The following NOA1 variants were observed in gnomAD, a reference collection of about 807,000 sequenced individuals.
NOA1 encodes nitric oxide associated 1.
NOA1 carries 35 observed loss-of-function variants against 58.4 expected under a neutral mutation model. That is an observed-to-expected ratio of 0.60 (90% confidence interval 0.46 to 0.79). NOA1 has a LOEUF of 0.79. Ranked by LOEUF, NOA1 falls within the 30% of genes least tolerant of loss-of-function variation. The pLI is 0.00. For synonymous variants in NOA1, 397 were observed against 373.4 expected (o/e 1.06, Z -0.73); for missense variants, 895 against 894.6 (o/e 1.00, Z -0.01).
rs1560466421 is a variant in NOA1 at position 56,977,125 on chromosome 4, C to CGGCGTCCCGGCAGTGCAGCTCTG, written c.460_461insCAGAGCTGCACTGCCGGGACGCC (p.Gly154AlafsTer51). On this transcript the variant is annotated frameshift_variant, in exon 1 of 7. Transcript: ENST00000264230. LOFTEE classifies it high-confidence loss of function. ...CTCTCGGGGCAGGTAGCCGGGCACT[C>CGGCGTCCCGGCAGTGCAGCTCTG]CGGCGTCCTGGCAGTGCAGCTCTGC... The CGGCGTCCCGGCAGTGCAGCTCTG allele has an allele frequency of 5.1e-6, 8 of 1,555,434 alleles. No individual in the cohort carries two copies. The African/African-American group carries it at 1.1e-4, about 21-fold the overall frequency.
At chr4:56,968,291 T>C in intron 4 of NOA1, 93 bp downstream of exon 4, 2 of 1,288,098 alleles carry the variant, frequency 1.6e-6, no homozygotes, top group Admixed American at 2.3e-5. Flanking sequence ...GGCTTAGTTA[T>C]CAACATTTTG....
intron 1 of NOA1, 57 bp from the exon 2 acceptor site, chr4:56,974,079 A>T: frequency 9.1e-7 from 1 of 1,095,570 alleles, no homozygotes; most frequent in Non-Finnish European, 1.2e-6. Context: ...GAAGAAAATG[A>T]ACATTTTTGA....
intron 3 of NOA1, among the ~76,000 whole-genome samples, chr4:56,970,727 G>T (rs1047506465): frequency 8.6e-5 from 13 of 152,026 alleles, no homozygotes; most frequent in Non-Finnish European, 1.9e-4. Context: ...CTCCCAAAGT[G>T]CTGGGACTAC....
At chr4:56,966,796 G>A (rs1003809479) in intron 4 of NOA1, 60 bp from the exon 5 acceptor site, 11 of 1,056,956 alleles carry the variant, frequency 1.0e-5, no homozygotes, top group Non-Finnish European at 1.6e-5. Context: ...GCATATTCAA[G>A]GTACAATCAA....
chr4:56,965,109 C>T (rs1560463227), intron 5 of NOA1, among the ~76,000 whole-genome samples: 1 of 151,916 alleles, frequency 6.6e-6, no homozygotes, highest in African/African-American at 2.4e-5. Flanking sequence ...AAGTGATTCT[C>T]TTGTCTCAGC....
At position 56,973,756 on chromosome 4, in the gene NOA1, TC is replaced by T. The variant is rs2109619910; in HGVS notation, c.1309+101del. The T allele has an allele frequency of 3.5e-6, 4 of 1,138,610 alleles. No individual in the cohort carries two copies. In the South Asian group the frequency reaches 4.4e-5, roughly 12 times the overall value. The allele number at this position is 1,138,610 out of a possible 1,614,324, so 70.5% of individuals were successfully genotyped here. On this transcript the variant is annotated intron_variant, in intron 2 of 6. Coordinates refer to ENST00000264230, the MANE Select transcript of NOA1 (RefSeq NM_032313.4). ...GTTGCAGAATAAGGAAGGCAGTCTC[TC>T]CCCACAAAAACTGGCTAGCCTCGGA...
At chr4:56,966,266 C>T (rs945398566) in intron 5 of NOA1, among the ~76,000 whole-genome samples, 2 of 152,046 alleles carry the variant, frequency 1.3e-5, no homozygotes, top group Admixed American at 6.5e-5. Context: ...ACCTTGTGAT[C>T]CATCTGCCTT....
chr4:56,971,618 G>A (rs531052607), intron 3 of NOA1, among the ~76,000 whole-genome samples: 93 of 152,164 alleles, frequency 6.1e-4, no homozygotes, highest in Non-Finnish European at 1.0e-3. Context: ...TTAGAAAATC[G>A]GAAACTGGTC....
chr4:56,964,449 C>T lies in NOA1; in HGVS notation c.1842G>A (p.Leu614=), dbSNP rs201550922. The stretch of plus-strand genomic sequence containing the variant: ...TGTCGGCCACTGCTTCAGATGCCCC[C>T]AGTCCTTCTTTTAACATAATGTCTT... ...VAEDIMLKEG[L]GASEAVADIK... The change falls in exon 6 of 7, where the codon CTG becomes CTA. Residue 614 remains leucine (L), a synonymous_variant. Coordinates refer to ENST00000264230, the MANE Select transcript of NOA1 (RefSeq NM_032313.4). 1.2e-5 allele frequency: 20 copies of T among 1,614,130 alleles called. No homozygotes were observed. In the East Asian group the frequency reaches 4.5e-4, roughly 36 times the overall value.
chr4:56,973,954 G>C lies in NOA1; in HGVS notation c.1213C>G (p.Gln405Glu). Residue 405 changes from glutamine (Q) to glutamate (E), a missense_variant, in exon 2 of 7, where the codon CAA becomes GAA. Gln to Glu is a conservative substitution (Grantham distance 29). This residue lies in a region of NOA1 where 680 missense variants were observed against 656.5 expected (regional missense o/e 1.04). Coordinates refer to ENST00000264230, the MANE Select transcript of NOA1 (RefSeq NM_032313.4). ...TGAGTTGAATCTTTTTTAAGTCTTT[G>C]ATGCCTTTTAAACATTCTGTAAGGA... ...PTPYRMFKRH[Q>E]RLKKDSTQAE... 1 of 1,613,912 alleles carries C rather than the reference G, an allele frequency of 6.2e-7. No individual in the cohort carries two copies. Among genetic ancestry groups the C allele is most frequent in the Non-Finnish European group, 8.5e-7 (1 of 1,179,856 alleles).
In NOA1 at chr4:56,977,422, T is replaced by A. The variant is rs368384513; in HGVS notation, c.164A>T (p.Asp55Val). 4 of 1,613,682 alleles carry A rather than the reference T, an allele frequency of 2.5e-6. No homozygotes were observed. The highest frequency in any genetic ancestry group is 3.4e-6 in the Non-Finnish European group (4 of 1,179,942). ...SSSLGRELPY[D>V]PVDTEGFGEG... Reference sequence around the variant, plus strand: ...TCCAAAGCCCTCCGTGTCCACGGGGTCATAAGGAAGCTCGCGTCCCAGACT... The same window carrying A: ...TCCAAAGCCCTCCGTGTCCACGGGGACATAAGGAAGCTCGCGTCCCAGACT... Residue 55 changes from aspartate to valine, a missense_variant, in exon 1 of 7, where the codon GAC becomes GTC. Asp to Val is a radical substitution (Grantham distance 152, BLOSUM62 -3). This residue lies in a region of NOA1 where 680 missense variants were observed against 656.5 expected (regional missense o/e 1.04). Transcript: ENST00000264230.
intron 5 of NOA1, among the ~76,000 whole-genome samples, chr4:56,965,180 T>C (rs1721678316): frequency 6.6e-6 from 1 of 152,050 alleles, no homozygotes; most frequent in Non-Finnish European, 1.5e-5. Flanking sequence ...TTTTGTATTT[T>C]TAGTAGAAAC....
chr4:56,969,398 G>A (rs528847719), intron 3 of NOA1, among the ~76,000 whole-genome samples: 3 of 151,966 alleles, frequency 2.0e-5, no homozygotes, highest in African/African-American at 7.2e-5. Flanking sequence ...CATGGAGAAA[G>A]CCCATCTCTA....
intron 5 of NOA1, among the ~76,000 whole-genome samples, chr4:56,964,983 C>T (rs375617535): frequency 1.8e-4 from 27 of 150,394 alleles, no homozygotes; most frequent in Non-Finnish European, 2.7e-4. Flanking sequence ...GGTGTTTCCA[C>T]GATTAGAAGT....
chr4:56,966,629 C>CTTTA lies in NOA1; in HGVS notation c.1754_1755insTAAA (p.Leu586LysfsTer22). On this transcript the variant is annotated frameshift_variant, in exon 5 of 7. Transcript: ENST00000264230. LOFTEE classifies it high-confidence loss of function. Reference sequence around the variant, plus strand: ...AGGCATGTTGCCTTACCTGGAGTAACGTATGACCTGCATGCTTCTGATACA... The same window carrying CTTTA: ...AGGCATGTTGCCTTACCTGGAGTAACTTTAGTATGACCTGCATGCTTCTGATACA... 2 of 1,602,652 alleles carry CTTTA rather than the reference C, an allele frequency of 1.2e-6. No homozygotes were observed. The highest frequency in any genetic ancestry group is 1.7e-6 in the Non-Finnish European group (2 of 1,169,730).
intron 1 of NOA1, 34 bp from the exon 2 acceptor site, chr4:56,974,056 A>C: frequency 6.7e-7 from 1 of 1,500,558 alleles, no homozygotes; most frequent in Non-Finnish European, 9.3e-7. Flanking sequence ...TCTTTACAAA[A>C]GGGAATAAGG....
Position 56,976,949 on chromosome 4 carries a change from C to G in NOA1, c.637G>C (p.Gly213Arg), listed in dbSNP as rs1375872625. 1.2e-6 allele frequency: 2 copies of G among 1,603,246 alleles called. No homozygotes were observed. Among genetic ancestry groups the G allele is most frequent in the Admixed American group, 3.3e-5 (2 of 59,826 alleles). ...ACCATGTAGAGCACCAGGGAGGGGC[C>G]GGGCCGCCGCAACGCGGCGCTCACC... ...ELVSAALRRP[G>R]PSLVLYMVDL... is the part of the protein sequence containing the mutation. The change falls in exon 1 of 7, where the codon GGC becomes CGC. Residue 213 changes from glycine (G) to arginine (R), a missense_variant. By Grantham distance (125) the Gly-to-Arg change is moderately radical (BLOSUM62 -2). Around this residue, in one of 3 missense-constraint regions of NOA1, gnomAD observed 680 missense variants for 656.5 expected, o/e 1.04. Transcript: ENST00000264230.
At chr4:56,966,090 G>A (rs991091864) in intron 5 of NOA1, among the ~76,000 whole-genome samples, 5 of 144,288 alleles carry the variant, frequency 3.5e-5, no homozygotes, top group African/African-American at 1.0e-4. Flanking sequence ...GCAGTAGCGC[G>A]ATCTTGGCTC....
Position 56,963,355 on chromosome 4 carries a change from A to G in NOA1, c.*95T>C, listed in dbSNP as rs989556991. The stretch of plus-strand genomic sequence containing the variant: ...AAGAAAAAAGAAAAAAAGGGTAAGA[A>G]TGGGAGCTTTATTTATGCGTTATAT... On this transcript the variant is annotated 3_prime_UTR_variant, in exon 7 of 7. Coordinates refer to ENST00000264230, the MANE Select transcript of NOA1 (RefSeq NM_032313.4). The G allele has an allele frequency of 5.1e-5, 56 of 1,092,832 alleles. No individual in the cohort carries two copies. The highest frequency in any genetic ancestry group is 1.1e-4 in the Admixed American group (5 of 46,986). 67.7% of individuals were successfully genotyped at this position (1,092,832 alleles called of 1,614,324 possible). A position where few individuals can be genotyped will look rare whatever the true frequency, so the allele number is the denominator to read the frequency against.
Sources: allele counts gnomAD v4.1 joint callset (sites outside exome capture counted in the v4.1 genomes callset), GRCh38; gene constraint gnomAD v4.1.1; regional missense constraint gnomAD v4.1.1; transcripts MANE v1.5; gene names NCBI Gene and HGNC (gene_info 2026-07-23, HGNC 2026-07-21).